The following PLEKHA8 variants were observed in gnomAD, a reference collection of about 807,000 sequenced individuals.
The protein encoded by PLEKHA8 is pleckstrin homology domain-containing family A member 8.
A neutral mutation model predicts 68.2 loss-of-function variants in PLEKHA8; 36 were observed. The observed-to-expected ratio is 0.53, with a 90% CI of 0.40 to 0.70. PLEKHA8 has a LOEUF of 0.70. PLEKHA8 is among the 30% of genes least tolerant of loss of function. PLEKHA8 has a pLI of 0.00. For missense variants in PLEKHA8, 505 were observed against 615.4 expected, an observed-to-expected ratio of 0.82 and a Z score of 1.90; for synonymous variants, 211 against 216.1, an observed-to-expected ratio of 0.98 and a Z score of 0.20.
chr7:30,116,073 T>TACAC (rs139170989), intron 13 of PLEKHA8: 2,011 of 105,552 alleles, frequency 0.019, 352 homozygotes, highest in African/African-American at 0.072. Flanking sequence ...TACGTATACA[T>TACAC]GTATACATAC....
chr7:30,096,341 A>T (rs947823525), intron 13 of PLEKHA8, among the ~76,000 whole-genome samples: 1 of 152,214 alleles, frequency 6.6e-6, no homozygotes, highest in African/African-American at 2.4e-5. Context: ...TTATTGATGT[A>T]TAAGAATGCT....
intron 7 of PLEKHA8, among the ~76,000 whole-genome samples, chr7:30,053,997 G>C (rs1279240577): frequency 1.3e-5 from 2 of 152,192 alleles, no homozygotes; most frequent in Non-Finnish European, 2.9e-5. Flanking sequence ...ACTCATGCTT[G>C]AATGAGGCTT....
At position 30,083,280 on chromosome 7, in the gene PLEKHA8, C is replaced by A; in HGVS notation, c.*4493C>A. On this transcript the variant is annotated 3_prime_UTR_variant, in exon 14 of 14. Transcript: ENST00000449726. Reference sequence around the variant, plus strand: ...AAGTACATTCTACTTCTGTATGTCCCTTTGTAATCCGCAGTTGCTTACTCA... The same window carrying A: ...AAGTACATTCTACTTCTGTATGTCCATTTGTAATCCGCAGTTGCTTACTCA... 1 of 984,052 alleles carries A rather than the reference C, an allele frequency of 1.0e-6. No homozygotes were observed. The highest frequency in any genetic ancestry group is 1.2e-6 in the Non-Finnish European group (1 of 828,748). 61.0% of individuals were successfully genotyped at this position (984,052 alleles called of 1,614,324 possible).
intron 13 of PLEKHA8, chr7:30,118,019 A>C: frequency 6.6e-7 from 1 of 1,526,372 alleles, no homozygotes; most frequent in Non-Finnish European, 8.8e-7. Flanking sequence ...ACTCAGAATC[A>C]GGCGGGTGCA....
intron 13 of PLEKHA8, among the ~76,000 whole-genome samples, chr7:30,077,395 T>G (rs146119043): frequency 6.6e-6 from 1 of 152,300 alleles, no homozygotes; most frequent in Non-Finnish European, 1.5e-5. Context: ...GATAACTGCC[T>G]TCTCTTAATT....
chr7:30,090,560 T>C (rs1373197929), exon 13 of PLEKHA8: 2 of 177,118 alleles, frequency 1.1e-5, no homozygotes, highest in East Asian at 3.1e-4. Flanking sequence ...AGTATAGATA[T>C]AGATTATAAA....
chr7:30,118,062 A>T (rs1437650008), intron 13 of PLEKHA8: 41 of 1,486,836 alleles, frequency 2.8e-5, no homozygotes, highest in Non-Finnish European at 3.6e-5. Flanking sequence ...ACCCAGCATG[A>T]GACAGGATGC....
chr7:30,076,873 A>G (rs1303334377), intron 13 of PLEKHA8, among the ~76,000 whole-genome samples: 1 of 152,172 alleles, frequency 6.6e-6, no homozygotes, highest in Non-Finnish European at 1.5e-5. Flanking sequence ...TGAGGGAAAC[A>G]TTGTTTACAT....
chr7:30,099,891 C>T lies in PLEKHA8; in HGVS notation c.1362+25759C>T, dbSNP rs369146900. Among the ~76,000 whole-genome samples, 15 of 152,298 alleles carry T rather than the reference C, an allele frequency of 9.8e-5. 1 individual carries two copies. Among genetic ancestry groups the T allele is most frequent in the African/African-American group, 3.4e-4 (14 of 41,574 alleles). On this transcript the variant is annotated intron_variant, in intron 13 of 13. Transcript: ENST00000396257. ...AATAGCAAATCACCACCAACCAGGT[C>T]GCTTAAAACAACAGAAATGTATCCT...
At position 30,080,993 on chromosome 7, in the gene PLEKHA8, G is replaced by C. The variant is rs1044085704; in HGVS notation, c.*2206G>C. The C allele has an allele frequency of 2.0e-6, 2 of 985,340 alleles. No individual in the cohort carries two copies. Among genetic ancestry groups the C allele is most frequent in the Non-Finnish European group, 2.4e-6 (2 of 829,910 alleles). The allele number at this position is 985,340 out of a possible 1,614,324, so 61.0% of individuals were successfully genotyped here. ...CTCCCTGTCACCTCAGGTGAACTCTGTGGTCTCTTGGAGAGGTAGCACTCT... is the reference window on the plus strand; with the variant it reads ...CTCCCTGTCACCTCAGGTGAACTCTCTGGTCTCTTGGAGAGGTAGCACTCT... On this transcript the variant is annotated 3_prime_UTR_variant, in exon 14 of 14. Transcript: ENST00000449726.
intron 13 of PLEKHA8, among the ~76,000 whole-genome samples, chr7:30,125,767 C>T (rs1465017871): frequency 6.6e-6 from 1 of 152,098 alleles, no homozygotes. Context: ...TGCTGAATCT[C>T]TTTACTTCAT....
rs1370142845 is a variant in PLEKHA8, at chr7:30,082,280, A to G, written c.*3493A>G. 3.0e-6 allele frequency: 3 copies of G among 985,336 alleles called. No homozygotes were observed. The highest frequency in any genetic ancestry group is 3.5e-5 in the African/African-American group (2 of 57,198). The allele number at this position is 985,336 out of a possible 1,614,324, so 61.0% of individuals were successfully genotyped here. ...TTGTTGCTTTTCTCTCTTCTTTGCT[A>G]CTGAAAATTGCCAGCAGTACCGCCA... is the stretch of plus-strand genomic sequence containing the variant. On this transcript the variant is annotated 3_prime_UTR_variant, in exon 14 of 14. Coordinates refer to ENST00000449726, the MANE Select transcript of PLEKHA8 (RefSeq NM_001197026.2).
rs1795009331 is a variant in PLEKHA8 at position 30,082,831 on chromosome 7, A to G, written c.*4044A>G. 8 of 985,394 alleles carry G rather than the reference A, an allele frequency of 8.1e-6. No homozygotes were observed. In the South Asian group the frequency reaches 3.8e-4, roughly 46 times the overall value. 61.0% of individuals were successfully genotyped at this position (985,394 alleles called of 1,614,324 possible). A position where few individuals can be genotyped will look rare whatever the true frequency, so the allele number is the denominator to read the frequency against. On this transcript the variant is annotated 3_prime_UTR_variant, in exon 14 of 14. Transcript: ENST00000449726. ...GATCAGGCAATAGAGTCAGAGGGTC[A>G]TGAGCAATAGACGATGATGCGAGGC...
In PLEKHA8 at chr7:30,080,838, G is replaced by A. The variant is rs755808691; in HGVS notation, c.*2051G>A. On this transcript the variant is annotated 3_prime_UTR_variant, in exon 14 of 14. Coordinates refer to ENST00000449726, the MANE Select transcript of PLEKHA8 (RefSeq NM_001197026.2). ...TGCCCTTGACATAGCCCCCTAAAAC[G>A]GAAAAAGAAAAAGCCAGTTTTTGCT... The A allele has an allele frequency of 1.3e-4, 128 of 985,126 alleles. No individual in the cohort carries two copies. The highest frequency in any genetic ancestry group is 1.4e-4 in the Non-Finnish European group (117 of 829,894). 61.0% of individuals were successfully genotyped at this position (985,126 alleles called of 1,614,324 possible).
At chr7:30,109,882 G>T (rs1426852733) in intron 13 of PLEKHA8, among the ~76,000 whole-genome samples, 1 of 151,746 alleles carries the variant, frequency 6.6e-6, no homozygotes, top group Non-Finnish European at 1.5e-5. Context: ...ACCCAGGTTG[G>T]TCTCAAACTC....
intron 9 of PLEKHA8, 63 bp from the exon 10 acceptor site, chr7:30,060,821 T>C: frequency 1.5e-6 from 2 of 1,310,996 alleles, no homozygotes; most frequent in Non-Finnish European, 2.2e-6. Context: ...TATTACTTTA[T>C]TATAAAAAAT....
chr7:30,056,399 CAT>C (rs1211958137), intron 9 of PLEKHA8, among the ~76,000 whole-genome samples: 12 of 129,230 alleles, frequency 9.3e-5, no homozygotes, highest in African/African-American at 3.5e-4. Flanking sequence ...ATATATAACA[CAT>C]ATATATAACA....
At chr7:30,118,127 C>T (rs2128023478) in intron 13 of PLEKHA8, 1 of 1,085,260 alleles carries the variant, frequency 9.2e-7, no homozygotes, top group Non-Finnish European at 1.2e-6. Flanking sequence ...AAATGCCTCT[C>T]CTGGGCCAGG....
chr7:30,080,132 A>G lies in PLEKHA8; in HGVS notation c.*1345A>G. On this transcript the variant is annotated 3_prime_UTR_variant, in exon 14 of 14. Transcript: ENST00000449726. ...CAAAATGCAGCTGTTTATCAATCTC[A>G]AAAGCTTTGGGACAGTGTCATAGTT... 1.0e-6 allele frequency: 1 copy of G among 985,342 alleles called. No individual in the cohort carries two copies. Among genetic ancestry groups the G allele is most frequent in the Non-Finnish European group, 1.2e-6 (1 of 829,878 alleles). The allele number at this position is 985,342 out of a possible 1,614,324, so 61.0% of individuals were successfully genotyped here. A position where few individuals can be genotyped will look rare whatever the true frequency, so the allele number is the denominator to read the frequency against.
Sources: allele counts gnomAD v4.1 joint callset (sites outside exome capture counted in the v4.1 genomes callset), GRCh38; gene constraint gnomAD v4.1.1; transcripts MANE v1.5; gene names NCBI Gene and HGNC (gene_info 2026-07-23, HGNC 2026-07-21).